Variants in ADAM22 observed in about 807,000 individuals in gnomAD.
The protein encoded by ADAM22 is ADAM metallopeptidase domain 22, also known as disintegrin and metalloproteinase domain-containing protein 22.
In ADAM22, 65 loss-of-function variants were observed where a neutral mutation model predicts 144.6. That is an observed-to-expected ratio of 0.45 (90% CI 0.37 to 0.55). The LOEUF (loss-of-function observed/expected upper bound fraction) is 0.55, where lower values mean the gene tolerates loss of function less well. ADAM22 is among the 20% of genes least tolerant of loss of function. ADAM22 has a pLI of 0.00. For synonymous variants in ADAM22, 391 were observed against 412.6 expected, an observed-to-expected ratio of 0.95 and a Z score of 0.63; for missense variants, 974 against 1,184.9, an observed-to-expected ratio of 0.82 and a Z score of 2.61.
chr7:88,084,998 C>T (rs1317633423), intron 4 of ADAM22, among the ~76,000 whole-genome samples: 1 of 152,180 alleles, frequency 6.6e-6, no homozygotes, highest in East Asian at 1.9e-4. Flanking sequence ...GTGAGAACAT[C>T]ATTCCTATTG....
intron 2 of ADAM22, among the ~76,000 whole-genome samples, chr7:87,948,769 G>A (rs565773390): frequency 6.6e-6 from 1 of 152,164 alleles, no homozygotes; most frequent in Non-Finnish European, 1.5e-5. Flanking sequence ...CCATTAAGGA[G>A]GGGATTGGGG....
chr7:87,985,384 C>A (rs1156447204), intron 3 of ADAM22, among the ~76,000 whole-genome samples: 1 of 151,832 alleles, frequency 6.6e-6, no homozygotes, highest in Non-Finnish European at 1.5e-5. Context: ...CAGTGATTTT[C>A]AGTACCTTTA....
At chr7:87,934,729 G>C in intron 1 of ADAM22, 179 bp downstream of exon 1, 1 of 661,610 alleles carries the variant, frequency 1.5e-6, no homozygotes, top group Non-Finnish European at 2.5e-6. Context: ...GTGTGGAGGC[G>C]CGCAGATGCA....
intron 7 of ADAM22, among the ~76,000 whole-genome samples, chr7:88,123,026 T>A (rs546035912): frequency 6.6e-6 from 1 of 152,344 alleles, no homozygotes; most frequent in East Asian, 1.9e-4. Context: ...TATTACGGGA[T>A]CATATAATTT....
intron 15 of ADAM22, among the ~76,000 whole-genome samples, chr7:88,143,375 A>G (rs1191523631): frequency 6.6e-6 from 1 of 152,184 alleles, no homozygotes; most frequent in African/African-American, 2.4e-5. Context: ...CTTTCTTTTT[A>G]TATAGCCAAG....
chr7:88,017,803 GTA>G (rs1032921669), intron 3 of ADAM22, among the ~76,000 whole-genome samples: 86 of 151,472 alleles, frequency 5.7e-4, no homozygotes, highest in Admixed American at 2.8e-3. Context: ...ATATGTGTGT[GTA>G]TATATATGTG....
chr7:88,057,156 C>T (rs918211771), intron 3 of ADAM22, among the ~76,000 whole-genome samples: 3 of 151,322 alleles, frequency 2.0e-5, no homozygotes, highest in Non-Finnish European at 2.9e-5. Flanking sequence ...GACAGGGTCT[C>T]GCTATGTTGT....
At chr7:87,953,701 A>G (rs201599629) in intron 2 of ADAM22, among the ~76,000 whole-genome samples, 79,931 of 150,562 alleles carry the variant, frequency 0.53, 21,528 homozygotes, top group African/African-American at 0.55. Flanking sequence ...TATCCTTGTT[A>G]AATTTCTGTC....
Position 87,945,623 on chromosome 7 carries a change from C to T in ADAM22, c.246+10437C>T, listed in dbSNP as rs1314038187. Among the ~76,000 whole-genome samples the T allele has an allele frequency of 2.0e-5, 3 of 151,900 alleles. No homozygotes were observed. In the East Asian group the frequency reaches 5.8e-4, roughly 29 times the overall value. On this transcript the variant is annotated intron_variant, in intron 2 of 31. Transcript: ENST00000413139. The stretch of plus-strand genomic sequence containing the variant: ...CACCCTCCGAGTTCAAGCGATTCTC[C>T]TGCCTCAGCCTCCTGAGTAGCTGGG...
At chr7:88,159,054 A>C (rs1487880757) in intron 22 of ADAM22, among the ~76,000 whole-genome samples, 2 of 152,154 alleles carry the variant, frequency 1.3e-5, no homozygotes, top group Admixed American at 6.6e-5. Flanking sequence ...TTAATACATC[A>C]GAAACGACAA....
At chr7:88,058,983 T>C (rs930844635) in intron 3 of ADAM22, among the ~76,000 whole-genome samples, 2 of 152,156 alleles carry the variant, frequency 1.3e-5, no homozygotes, top group African/African-American at 4.8e-5. Context: ...TTCTGGATTG[T>C]GGGCATAGTC....
intron 3 of ADAM22, among the ~76,000 whole-genome samples, chr7:88,001,434 A>G (rs772747326): frequency 6.6e-5 from 10 of 152,232 alleles, no homozygotes; most frequent in Non-Finnish European, 1.5e-4. Context: ...TGAATTTTGG[A>G]TTTTAGGGTT....
chr7:87,979,060 C>G (rs1164961842), intron 3 of ADAM22, among the ~76,000 whole-genome samples: 1 of 152,118 alleles, frequency 6.6e-6, no homozygotes, highest in East Asian at 1.9e-4. Flanking sequence ...GGGTTTCTAT[C>G]CTACTTCTGA....
rs78167193 is a variant in ADAM22 at position 87,944,487 on chromosome 7, C to G, written c.246+9301C>G. ...GTTCTGTTGAGGAACTCAGCTGTGG[C>G]TCCTCAGCAGGCATAAGTGGCAGTT... On this transcript the variant is annotated intron_variant, in intron 2 of 31. Coordinates refer to ENST00000413139, the MANE Select transcript of ADAM22 (RefSeq NM_001324418.2). Among the ~76,000 whole-genome samples, 399 of 152,238 alleles carry G rather than the reference C, an allele frequency of 2.6e-3. 1 individual carries two copies. The highest frequency in any genetic ancestry group is 9.2e-3 in the African/African-American group (382 of 41,548).
chr7:88,107,456 C>A (rs1229013954), intron 4 of ADAM22, among the ~76,000 whole-genome samples: 1 of 152,084 alleles, frequency 6.6e-6, no homozygotes, highest in African/African-American at 2.4e-5. Context: ...CCACCTCAGT[C>A]TCCCAAAGTG....
chr7:88,145,117 C>A lies in ADAM22; in HGVS notation c.1321-8C>A, dbSNP rs1351912091. On this transcript the variant is annotated splice_region_variant and splice_polypyrimidine_tract_variant and intron_variant, in intron 15 of 31. Transcript: ENST00000413139. ...ATATTTTAGTTCACTTTTTGGTTTT[C>A]CTCACAGCTTCTTGATCCTCCTGAG... The A allele has an allele frequency of 6.2e-7, 1 of 1,610,276 alleles. No homozygotes were observed. The highest frequency in any genetic ancestry group is 1.7e-5 in the Admixed American group (1 of 59,080).
chr7:88,071,721 T>TA (rs1812867384), intron 3 of ADAM22, among the ~76,000 whole-genome samples: 1 of 152,138 alleles, frequency 6.6e-6, no homozygotes, highest in African/African-American at 2.4e-5. Flanking sequence ...ATAAACATCT[T>TA]ACTTCCTTTA....
At chr7:88,125,043 T>C (rs181044219) in intron 7 of ADAM22, among the ~76,000 whole-genome samples, 109 of 152,106 alleles carry the variant, frequency 7.2e-4, no homozygotes, top group Non-Finnish European at 1.0e-4. Flanking sequence ...GAGATGAATC[T>C]ATACGCATAA....
At chr7:88,071,391 A>ATT (rs71297113) in intron 3 of ADAM22, among the ~76,000 whole-genome samples, 9,861 of 125,902 alleles carry the variant, frequency 0.078, 645 homozygotes, top group East Asian at 0.25. Context: ...TTATGAAGTG[A>ATT]TTTTTTTTTT....
Sources: gnomAD v4.1 joint callset for allele counts (sites outside exome capture counted in the v4.1 genomes callset) on GRCh38, gnomAD v4.1.1 for gene constraint, MANE v1.5 for transcripts, NCBI Gene and HGNC (gene_info 2026-07-23, HGNC 2026-07-21) for gene names.